The following KRT74 variants were observed in gnomAD, a reference collection of about 807,000 sequenced individuals.
KRT74 encodes keratin, type II cytoskeletal 74.
In KRT74, 43 loss-of-function variants were observed where a neutral mutation model predicts 42.7. That is an observed-to-expected ratio of 1.01 (90% confidence interval 0.79 to 1.30). The LOEUF (loss-of-function observed/expected upper bound fraction) is 1.30, where lower values mean the gene tolerates loss of function less well. Ranked by LOEUF, KRT74 falls within the 50% of genes most tolerant of loss-of-function variation. KRT74 has a pLI of 0.00. For missense variants in KRT74, 736 were observed against 689.1 expected (o/e 1.07, Z -0.76); for synonymous variants, 302 against 279.0 (o/e 1.08, Z -0.82).
chr12:52,571,806 A>G, intron 3 of KRT74, 138 bp downstream of exon 3: 5 of 771,578 alleles, frequency 6.5e-6, no homozygotes, highest in Non-Finnish European at 9.6e-6. Flanking sequence ...GGCCAGGACT[A>G]TGACTCCACC....
Position 52,571,512 on chromosome 12 carries a change from C to T in KRT74, c.748-58G>A, listed in dbSNP as rs577609856. 96 of 1,264,692 alleles carry T rather than the reference C, an allele frequency of 7.6e-5. No homozygotes were observed. The African/African-American group carries it at 1.2e-3, about 16-fold the overall frequency. The allele number at this position is 1,264,692 out of a possible 1,614,324, so 78.3% of individuals were successfully genotyped here. A position where few individuals can be genotyped will look rare whatever the true frequency, so the allele number is the denominator to read the frequency against. ...CAACCCTCATCCCACAGCTGCCCTGCCCAACTCCTGCCTCAAAGCCACCTG... is the reference window on the plus strand; with the variant it reads ...CAACCCTCATCCCACAGCTGCCCTGTCCAACTCCTGCCTCAAAGCCACCTG... On this transcript the variant is annotated intron_variant, in intron 3 of 8. Transcript: ENST00000305620.
chr12:52,568,701 G>A lies in KRT74; in HGVS notation c.1135-312C>T, dbSNP rs17115037. ...CAGATTCAAAATACTACAGGTTCAG[G>A]AAAATCATGCCCGATCCCCTAGCAA... On this transcript the variant is annotated intron_variant, in intron 6 of 8. Transcript: ENST00000305620. 8.5e-3 allele frequency among the ~76,000 whole-genome samples: 1,287 copies of A among 152,306 alleles called. 19 individuals carry two copies. Among genetic ancestry groups the A allele is most frequent in the African/African-American group, 0.029 (1,221 of 41,568 alleles).
At chr12:52,571,483 G>A (rs758474502) in intron 3 of KRT74, 29 bp from the exon 4 acceptor site, 4 of 1,523,446 alleles carry the variant, frequency 2.6e-6, no homozygotes, top group South Asian at 2.2e-5. Flanking sequence ...GTCATTGGGG[G>A]ATGCAACCCT....
At chr12:52,571,713 C>T (rs1351255138) in intron 3 of KRT74, among the ~76,000 whole-genome samples, 2 of 152,160 alleles carry the variant, frequency 1.3e-5, no homozygotes, top group Non-Finnish European at 2.9e-5. Flanking sequence ...GAGCTGGACC[C>T]GAGTTTCACA....
rs1398657589 is a variant in KRT74, at chr12:52,566,686, T to C, written c.*283A>G. 5.4e-6 allele frequency: 2 copies of C among 369,508 alleles called. No individual in the cohort carries two copies. Among genetic ancestry groups the C allele is most frequent in the African/African-American group, 4.1e-5 (2 of 48,968 alleles). The allele number at this position is 369,508 out of a possible 1,614,324, so 22.9% of individuals were successfully genotyped here. ...TTTCTAGGGATGATCACAGCTTCCTTAGGGCCAAGAAGGTTATAATGGCTT... is the reference window on the plus strand; with the variant it reads ...TTTCTAGGGATGATCACAGCTTCCTCAGGGCCAAGAAGGTTATAATGGCTT... On this transcript the variant is annotated 3_prime_UTR_variant, in exon 9 of 9. Coordinates refer to ENST00000305620, the MANE Select transcript of KRT74 (RefSeq NM_175053.4).
rs1418683633 is a variant in KRT74 at position 52,566,457 on chromosome 12, G to A, written c.*512C>T. 6.5e-6 allele frequency: 1 copy of A among 152,742 alleles called. No homozygotes were observed. The highest frequency in any genetic ancestry group is 1.5e-5 in the Non-Finnish European group (1 of 68,486). 9.5% of individuals were successfully genotyped at this position (152,742 alleles called of 1,614,324 possible). ...CAGCTGGTGGTCTACAGATGTACAC[G>A]TGGTGTCCTAAATATTGGCGTCATC... On this transcript the variant is annotated 3_prime_UTR_variant, in exon 9 of 9. Transcript: ENST00000305620.
rs768161388 is a variant in KRT74, at chr12:52,568,330, C to A, written c.1194G>T (p.Lys398Asn). ...GCTCATCCAGCTTGGCCTGGGCATC[C>A]TTCAGGGCATTGTCTCCCCGCTGCT... is the stretch of plus-strand genomic sequence containing the variant. Reference protein sequence around the residue: ...DAEQRGDNALKDAQAKLDELE... With the variant: ...DAEQRGDNALNDAQAKLDELE... The change falls in exon 7 of 9, where the codon AAG becomes AAT. Residue 398 changes from lysine to asparagine, a missense_variant. By Grantham distance (94) the Lys-to-Asn change is moderately conservative. Transcript: ENST00000305620. 48 of 1,614,122 alleles carry A rather than the reference C, an allele frequency of 3.0e-5. No homozygotes were observed. Among genetic ancestry groups the A allele is most frequent in the African/African-American group, 4.0e-5 (3 of 74,944 alleles).
chr12:52,573,454 T>C lies in KRT74; in HGVS notation c.324A>G (p.Pro108=). The C allele has an allele frequency of 6.2e-7, 1 of 1,614,146 alleles. No homozygotes were observed. The highest frequency in any genetic ancestry group is 8.5e-7 in the Non-Finnish European group (1 of 1,180,030). Residue 108 remains proline, a synonymous_variant, in exon 1 of 9, where the codon CCA becomes CCG. Transcript: ENST00000305620. ...CAGTGACCTGGTGGATGCCCCCAGGTGGGCACACAGACAAACATGCAGGCC... is the reference window on the plus strand; with the variant it reads ...CAGTGACCTGGTGGATGCCCCCAGGCGGGCACACAGACAAACATGCAGGCC... The part of the protein sequence containing the change: ...ALGPACLSVC[P]PGGIHQVTVN...
At chr12:52,570,603 A>G in intron 5 of KRT74, 66 bp downstream of exon 5, 6 of 1,540,194 alleles carry the variant, frequency 3.9e-6, no homozygotes, top group Non-Finnish European at 5.4e-6. Flanking sequence ...CCTCACATTC[A>G]CTGTGCAGGT....
At chr12:52,568,636 A>C (rs1939422125) in intron 6 of KRT74, 2 of 573,206 alleles carry the variant, frequency 3.5e-6, no homozygotes. Context: ...GATGTTTGCA[A>C]AGTTAGATAG....
In KRT74 at chr12:52,568,234, G is replaced by A. The variant is rs776132783; in HGVS notation, c.1290C>T (p.Ser430=). 139 of 1,613,986 alleles carry A rather than the reference G, an allele frequency of 8.6e-5. No homozygotes were observed. The highest frequency in any genetic ancestry group is 1.1e-4 in the Non-Finnish European group (128 of 1,180,026). ...RMLREYQELM[S]LKLALDMEIA... ...TCTCCATGTCCAGGGCCAGTTTCAGGCTCATGAGCTCCTGGTACTCGCGCA... is the reference window on the plus strand; with the variant it reads ...TCTCCATGTCCAGGGCCAGTTTCAGACTCATGAGCTCCTGGTACTCGCGCA... The change falls in exon 7 of 9, where the codon AGC becomes AGT. Residue 430 remains serine (S), a synonymous_variant. Coordinates refer to ENST00000305620, the MANE Select transcript of KRT74 (RefSeq NM_175053.4).
chr12:52,567,788 C>G (rs1365722732), intron 7 of KRT74, 95 bp from the exon 8 acceptor site: 3 of 915,718 alleles, frequency 3.3e-6, no homozygotes, highest in Admixed American at 1.8e-5. Context: ...ATCATTTAAA[C>G]TCATCCTTAT....
In KRT74 at chr12:52,568,310, T is replaced by A; in HGVS notation, c.1214A>T (p.Asp405Val). 1 of 1,614,218 alleles carries A rather than the reference T, an allele frequency of 6.2e-7. No homozygotes were observed. The highest frequency in any genetic ancestry group is 1.1e-5 in the South Asian group (1 of 91,080). The change falls in exon 7 of 9, where the codon GAT becomes GTT. Residue 405 changes from aspartate (D) to valine (V), a missense_variant. Physicochemically the swap from Asp to Val is radical, Grantham distance 152 (BLOSUM62 -3). Transcript: ENST00000305620. ...CTGGTGCAGGGCGCCCTCCAGCTCA[T>A]CCAGCTTGGCCTGGGCATCCTTCAG... The part of the protein sequence containing the change: ...NALKDAQAKL[D>V]ELEGALHQAK...
In KRT74 at chr12:52,573,324, C is replaced by T. The variant is rs759677736; in HGVS notation, c.454G>A (p.Ala152Thr). Residue 152 changes from alanine to threonine, a missense_variant, in exon 1 of 9, where the codon GCC (alanine) becomes ACC (threonine). By Grantham distance (58) the Ala-to-Thr change is moderately conservative. Coordinates refer to ENST00000305620, the MANE Select transcript of KRT74 (RefSeq NM_175053.4). ...EQIKVLNDKF[A>T]SFIDKVRFLE... is the part of the protein sequence containing the mutation. The stretch of plus-strand genomic sequence containing the variant: ...AGACCCACCTTGTCAATGAAGGAGG[C>T]GAACTTGTCGTTCAGCACCTTGATC... 26 of 1,614,050 alleles carry T rather than the reference C, an allele frequency of 1.6e-5. No individual in the cohort carries two copies. The highest frequency in any genetic ancestry group is 8.8e-5 in the South Asian group (8 of 91,088).
At chr12:52,570,904 C>A in intron 4 of KRT74, 71 bp from the exon 5 acceptor site, 1 of 1,571,528 alleles carries the variant, frequency 6.4e-7, no homozygotes, top group East Asian at 2.2e-5. Flanking sequence ...GTCTTCTGGG[C>A]CCATGGTCCC....
At chr12:52,573,208 G>T in intron 1 of KRT74, 99 bp downstream of exon 1, 1 of 1,213,974 alleles carries the variant, frequency 8.2e-7, no homozygotes, top group Non-Finnish European at 1.2e-6. Flanking sequence ...CTGAGGCCCA[G>T]CTGCACCTTT....
intron 8 of KRT74, 36 bp downstream of exon 8, chr12:52,567,623 C>A: frequency 6.4e-7 from 1 of 1,558,270 alleles, no homozygotes; most frequent in Non-Finnish European, 8.9e-7. Context: ...GGGTCCCTGG[C>A]TTTCCCAACC....
Position 52,566,828 on chromosome 12 carries a change from A to C in KRT74, c.*141T>G. 39 of 632,560 alleles carry C rather than the reference A, an allele frequency of 6.2e-5. No individual in the cohort carries two copies. The highest frequency in any genetic ancestry group is 2.5e-4 in the Admixed American group (10 of 40,086). The allele number at this position is 632,560 out of a possible 1,614,324, so 39.2% of individuals were successfully genotyped here. On this transcript the variant is annotated 3_prime_UTR_variant, in exon 9 of 9. Transcript: ENST00000305620. The stretch of plus-strand genomic sequence containing the variant: ...GTGTCAATCAGAGCTTGAAAGTAAA[A>C]GCTAAACCACGATGCAGACAGTTGA...
Position 52,571,394 on chromosome 12 carries a change from T to C in KRT74, c.808A>G (p.Lys270Glu). Residue 270 changes from lysine (K) to glutamate (E), a missense_variant, in exon 4 of 9, where the codon AAA (lysine) becomes GAA (glutamate). By Grantham distance (56) the Lys-to-Glu change is moderately conservative. Coordinates refer to ENST00000305620, the MANE Select transcript of KRT74 (RefSeq NM_175053.4). Reference sequence around the variant, plus strand: ...AGACACTTGAGGAACTTGATTTCTTTGTCCAGTGAGTCCACTTTGGCCTGA... The same window carrying C: ...AGACACTTGAGGAACTTGATTTCTTCGTCCAGTGAGTCCACTTTGGCCTGA... ...ELQAKVDSLD[K>E]EIKFLKCLYD... 6.2e-7 allele frequency: 1 copy of C among 1,613,706 alleles called. No homozygotes were observed. Among genetic ancestry groups the C allele is most frequent in the Non-Finnish European group, 8.5e-7 (1 of 1,179,596 alleles).
Sources: allele counts gnomAD v4.1 joint callset (sites outside exome capture counted in the v4.1 genomes callset), GRCh38; gene constraint gnomAD v4.1.1; transcripts MANE v1.5; gene names NCBI Gene and HGNC (gene_info 2026-07-23, HGNC 2026-07-21).